ATP6V0A4: variants seen among roughly 807,000 people sequenced by gnomAD.
The protein encoded by ATP6V0A4 is ATPase H+ transporting V0 subunit a4.
ATP6V0A4 carries 86 observed loss-of-function variants against 107.3 expected under a neutral mutation model. The observed-to-expected ratio is 0.80, with a 90% CI of 0.67 to 0.96. The LOEUF is 0.96. ATP6V0A4 is among the 40% of genes least tolerant of loss of function. The pLI, the probability that ATP6V0A4 is intolerant of heterozygous loss-of-function variation, is 0.00. For missense variants in ATP6V0A4, 908 were observed against 1,045.6 expected (o/e 0.87, Z 1.81); for synonymous variants, 353 against 381.4 (o/e 0.93, Z 0.87).
At chr7:138,743,207 T>TGGG (rs1805723758) in intron 14 of ATP6V0A4, among the ~76,000 whole-genome samples, 4 of 151,916 alleles carry the variant, frequency 2.6e-5, no homozygotes, top group African/African-American at 9.7e-5. Context: ...CCTGTAATCC[T>TGGG]AGCACTTTGG....
At chr7:138,777,569 C>T (rs1341528434) in intron 2 of ATP6V0A4, among the ~76,000 whole-genome samples, 1 of 145,720 alleles carries the variant, frequency 6.9e-6, no homozygotes, top group Non-Finnish European at 1.5e-5. Context: ...GAGCCAAGAT[C>T]GTGCCATTGC....
intron 1 of ATP6V0A4, among the ~76,000 whole-genome samples, chr7:138,787,332 T>A (rs1274732224): frequency 2.6e-5 from 4 of 152,086 alleles, no homozygotes; most frequent in Admixed American, 2.6e-4. Flanking sequence ...TCCCCCAGAT[T>A]TTTCCCCTCG....
intron 12 of ATP6V0A4, among the ~76,000 whole-genome samples, chr7:138,748,398 CATTTT>C (rs1168583860): frequency 6.6e-6 from 1 of 151,856 alleles, no homozygotes; most frequent in Non-Finnish European, 1.5e-5. Flanking sequence ...TCTATCCTTT[CATTTT>C]ATTTTATTTT....
chr7:138,778,859 C>T (rs548335644), intron 2 of ATP6V0A4, among the ~76,000 whole-genome samples: 3 of 152,076 alleles, frequency 2.0e-5, no homozygotes, highest in Admixed American at 6.6e-5. Context: ...GAACTTTTAC[C>T]CCCATCCATT....
intron 7 of ATP6V0A4, 145 bp from the exon 8 acceptor site, chr7:138,760,023 T>C: frequency 3.4e-6 from 5 of 1,471,664 alleles, no homozygotes; most frequent in Non-Finnish European, 4.6e-6. Context: ...TCTACCGACA[T>C]GAGTCCCAAG....
intron 13 of ATP6V0A4, among the ~76,000 whole-genome samples, chr7:138,747,107 T>C (rs1008723586): frequency 6.6e-6 from 1 of 152,208 alleles, no homozygotes; most frequent in Admixed American, 6.5e-5. Context: ...GATGGTTGCA[T>C]TTTTCTAATT....
chr7:138,750,447 C>T (rs1806164978), intron 11 of ATP6V0A4, among the ~76,000 whole-genome samples: 1 of 152,118 alleles, frequency 6.6e-6, no homozygotes, highest in African/African-American at 2.4e-5. Context: ...CTCAAATGAT[C>T]CTCCCACCTC....
chr7:138,751,724 T>G (rs143730461), intron 11 of ATP6V0A4, among the ~76,000 whole-genome samples: 1 of 152,200 alleles, frequency 6.6e-6, no homozygotes, highest in East Asian at 1.9e-4. Flanking sequence ...GACAGAGTGC[T>G]TAGCCATCTC....
Position 138,728,763 on chromosome 7 carries a change from G to A in ATP6V0A4, c.2008C>T (p.Gln670Ter), listed in dbSNP as rs1372982088. 1 of 1,614,016 alleles carries A rather than the reference G, an allele frequency of 6.2e-7. No individual in the cohort carries two copies. The highest frequency in any genetic ancestry group is 1.7e-5 in the Admixed American group (1 of 59,972). Residue 670 changes from glutamine to a stop codon, truncating the protein, a stop_gained and splice_region_variant, in exon 18 of 22, where the codon CAG (glutamine) becomes TAG (stop). Transcript: ENST00000310018. LOFTEE classifies it high-confidence loss of function. ...FILRASHRKS[Q>*]LQASRIQEDA... is the part of the protein sequence containing the mutation. ...GAACTGAAACAAACAGCCCTTACCT[G>A]GGATTTCCGATGACTGGCTCTAAGA...
At chr7:138,716,009 G>A in intron 19 of ATP6V0A4, 128 bp from the exon 20 acceptor site, 1 of 1,287,472 alleles carries the variant, frequency 7.8e-7, no homozygotes, top group Non-Finnish European at 1.1e-6. Context: ...TAGGGGAAAA[G>A]AAATAGTAAT....
chr7:138,788,343 C>G (rs1808258565), intron 1 of ATP6V0A4, among the ~76,000 whole-genome samples: 1 of 152,072 alleles, frequency 6.6e-6, no homozygotes, highest in African/African-American at 2.4e-5. Context: ...TTGTAGGGAA[C>G]CAGAAATTGC....
intron 17 of ATP6V0A4, among the ~76,000 whole-genome samples, chr7:138,730,921 T>A (rs1397778916): frequency 2.3e-5 from 2 of 87,430 alleles, no homozygotes; most frequent in Non-Finnish European, 4.1e-5. Context: ...CATTTTTTCT[T>A]CTTCTTCTTC....
At chr7:138,739,419 T>A in intron 15 of ATP6V0A4, 121 bp downstream of exon 15, 1 of 1,271,982 alleles carries the variant, frequency 7.9e-7, no homozygotes, top group Non-Finnish European at 1.1e-6. Context: ...TCAGCAGAAG[T>A]TATTTTATCT....
intron 2 of ATP6V0A4, among the ~76,000 whole-genome samples, chr7:138,777,199 CA>C (rs1198131862): frequency 2.6e-5 from 4 of 151,966 alleles, no homozygotes; most frequent in African/African-American, 9.7e-5. Flanking sequence ...GAGTAGGAGG[CA>C]GGGGCCAAGC....
intron 15 of ATP6V0A4, among the ~76,000 whole-genome samples, chr7:138,735,281 C>G (rs1805257477): frequency 6.6e-6 from 1 of 152,170 alleles, no homozygotes. Flanking sequence ...GATTCCAAGT[C>G]CTTGCTCCTT....
chr7:138,781,831 GTCTCTC>G (rs372041818), intron 2 of ATP6V0A4, among the ~76,000 whole-genome samples: 14,120 of 97,878 alleles, frequency 0.14, 1,006 homozygotes, highest in African/African-American at 0.25. Context: ...ATTTTTCTCT[GTCTCTC>G]TCTCTCTTTT....
chr7:138,726,403 GGTGGCTGGCCACAAGGGCTC>G (rs1171076701), intron 18 of ATP6V0A4, among the ~76,000 whole-genome samples: 3 of 152,220 alleles, frequency 2.0e-5, no homozygotes, highest in African/African-American at 7.2e-5. Context: ...TGGGGGGCCT[GGTGGCTGGCCACAAGGGCTC>G]TCGGAAGGAG....
intron 18 of ATP6V0A4, among the ~76,000 whole-genome samples, chr7:138,724,189 C>CAAAAAAA (rs3080498): frequency 1.1e-5 from 1 of 92,796 alleles, no homozygotes; most frequent in African/African-American, 4.1e-5. Context: ...GACTCTGCCT[C>CAAAAAAA]AAAAAAAAAA....
rs55813379 is a variant in ATP6V0A4, at chr7:138,717,909, GAAAAA to G, written c.2140-2033_2140-2029del. On this transcript the variant is annotated intron_variant, in intron 19 of 21. Transcript: ENST00000310018. ...GGCGACACAGTGAGACTCTGTCTCG[GAAAAA>G]AAAAAAAAAAAAAAAAGAGTGAGAT... Among the ~76,000 whole-genome samples the G allele has an allele frequency of 2.6e-3, 186 of 70,936 alleles. 1 individual carries two copies. The highest frequency in any genetic ancestry group is 8.5e-3 in the African/African-American group (156 of 18,406). 46.5% of individuals were successfully genotyped at this position (70,936 alleles called of 152,430 possible). A position where few individuals can be genotyped will look rare whatever the true frequency, so the allele number is the denominator to read the frequency against.
Sources: allele counts gnomAD v4.1 joint callset (sites outside exome capture counted in the v4.1 genomes callset), GRCh38; gene constraint gnomAD v4.1.1; transcripts MANE v1.5; gene names NCBI Gene and HGNC (gene_info 2026-07-23, HGNC 2026-07-21).